Variants in SLC5A3 observed in about 807,000 individuals in gnomAD.
SLC5A3 encodes the protein sodium/myo-inositol cotransporter.
In SLC5A3, 10 loss-of-function variants were observed where a neutral mutation model predicts 43.2. The observed-to-expected ratio is 0.23, with a 90% CI of 0.14 to 0.39. The LOEUF (loss-of-function observed/expected upper bound fraction) is 0.39. Among genes scored for constraint, SLC5A3 ranks in the 10% least tolerant of loss-of-function variants. The pLI is 1.00. For missense variants in SLC5A3, 608 were observed against 893.4 expected, an observed-to-expected ratio of 0.68 and a Z score of 4.07; for synonymous variants, 349 against 322.0, an observed-to-expected ratio of 1.08 and a Z score of -0.90.
rs752139372 is a variant in SLC5A3 at position 34,097,302 on chromosome 21, C to T, written c.2104C>T (p.Leu702Phe). The T allele has an allele frequency of 1.2e-6, 2 of 1,611,216 alleles. No homozygotes were observed. The highest frequency in any genetic ancestry group is 1.7e-6 in the Non-Finnish European group (2 of 1,179,096). ...RQVKVILNIG[L>F]FAVCSLGIFM... Reference sequence around the variant, plus strand: ...AGTTAAAGTAATACTAAATATTGGACTTTTTGCTGTGTGTTCACTTGGAAT... The same window carrying T: ...AGTTAAAGTAATACTAAATATTGGATTTTTTGCTGTGTGTTCACTTGGAAT... Residue 702 changes from leucine to phenylalanine, a missense_variant, in exon 2 of 2, where the codon CTT (leucine) becomes TTT (phenylalanine). Coordinates refer to ENST00000381151, the MANE Select transcript of SLC5A3 (RefSeq NM_006933.7).
chr21:34,098,902 T>G lies in SLC5A3; in HGVS notation c.*1547T>G. 1.0e-6 allele frequency: 1 copy of G among 996,754 alleles called. No individual in the cohort carries two copies. Among genetic ancestry groups the G allele is most frequent in the Non-Finnish European group, 1.2e-6 (1 of 826,744 alleles). 61.7% of individuals were successfully genotyped at this position (996,754 alleles called of 1,614,324 possible). The stretch of plus-strand genomic sequence containing the variant: ...ACTTTCTTTGACCTTCTTTAATCTC[T>G]GATACTTTTTAGATTGCATGATTTT... On this transcript the variant is annotated 3_prime_UTR_variant, in exon 2 of 2. Coordinates refer to ENST00000381151, the MANE Select transcript of SLC5A3 (RefSeq NM_006933.7).
rs1233834606 is a variant in SLC5A3 at position 34,104,198 on chromosome 21, T to C, written c.*6843T>C. ...GATCTGAGTGTTCTGAGCATCAGAC[T>C]AATTCTGAAGCATATTTGCTAGAGG... On this transcript the variant is annotated 3_prime_UTR_variant, in exon 2 of 2. Coordinates refer to ENST00000381151, the MANE Select transcript of SLC5A3 (RefSeq NM_006933.7). 1.0e-6 allele frequency: 1 copy of C among 1,000,036 alleles called. No individual in the cohort carries two copies. The highest frequency in any genetic ancestry group is 1.2e-6 in the Non-Finnish European group (1 of 829,926). 61.9% of individuals were successfully genotyped at this position (1,000,036 alleles called of 1,614,324 possible). A position where few individuals can be genotyped will look rare whatever the true frequency, so the allele number is the denominator to read the frequency against.
At chr21:34,086,657 G>C (rs1372410143) in intron 1 of SLC5A3, among the ~76,000 whole-genome samples, 1 of 152,102 alleles carries the variant, frequency 6.6e-6, no homozygotes, top group African/African-American at 2.4e-5. Flanking sequence ...TTTCTCATTT[G>C]TAAATTGGGG....
Position 34,097,593 on chromosome 21 carries a change from T to C in SLC5A3, c.*238T>C. The C allele has an allele frequency of 3.2e-6, 4 of 1,252,674 alleles. No homozygotes were observed. Among genetic ancestry groups the C allele is most frequent in the Non-Finnish European group, 2.0e-6 (2 of 989,110 alleles). The allele number at this position is 1,252,674 out of a possible 1,614,324, so 77.6% of individuals were successfully genotyped here. ...GAATTGTGCAAATGTGGTTTTAAATTTTGCATACCAAAGTAAGAAGAGACC... is the reference window on the plus strand; with the variant it reads ...GAATTGTGCAAATGTGGTTTTAAATCTTGCATACCAAAGTAAGAAGAGACC... On this transcript the variant is annotated 3_prime_UTR_variant, in exon 2 of 2. Transcript: ENST00000381151.
At position 34,102,434 on chromosome 21, in the gene SLC5A3, G is replaced by T; in HGVS notation, c.*5079G>T. 1.0e-6 allele frequency: 1 copy of T among 999,788 alleles called. No individual in the cohort carries two copies. The highest frequency in any genetic ancestry group is 1.1e-4 in the East Asian group (1 of 8,820). The allele number at this position is 999,788 out of a possible 1,614,324, so 61.9% of individuals were successfully genotyped here. On this transcript the variant is annotated 3_prime_UTR_variant, in exon 2 of 2. Coordinates refer to ENST00000381151, the MANE Select transcript of SLC5A3 (RefSeq NM_006933.7). The stretch of plus-strand genomic sequence containing the variant: ...AAGAGGGATTAGTTTTTTTGTTTTG[G>T]GGTAAGCACCTAATTTATCCAGTAA...
At position 34,105,555 on chromosome 21, in the gene SLC5A3, A is replaced by T. The variant is rs1191556688; in HGVS notation, c.*8200A>T. On this transcript the variant is annotated 3_prime_UTR_variant, in exon 2 of 2. Transcript: ENST00000381151. The stretch of plus-strand genomic sequence containing the variant: ...TGTTCTTCCCAGTGTCCTGCTTATG[A>T]TGCTTTGTTCAGATTTTTTGTAAGA... 2 of 999,688 alleles carry T rather than the reference A, an allele frequency of 2.0e-6. No individual in the cohort carries two copies. The highest frequency in any genetic ancestry group is 3.5e-5 in the African/African-American group (2 of 57,180). The allele number at this position is 999,688 out of a possible 1,614,324, so 61.9% of individuals were successfully genotyped here.
chr21:34,095,327 G>C lies in SLC5A3; in HGVS notation c.129G>C (p.Gly43=), dbSNP rs927845616. 6.2e-7 allele frequency: 1 copy of C among 1,614,110 alleles called. No individual in the cohort carries two copies. The highest frequency in any genetic ancestry group is 1.3e-5 in the African/African-American group (1 of 75,042). ...CCGTGAGTGGATACTTCCTGGCGGG[G>C]CGCTCTATGACCTGGGTAGCAATTG... The part of the protein sequence containing the change: ...RSTVSGYFLA[G]RSMTWVAIGA... The change falls in exon 2 of 2, where the codon GGG becomes GGC. Residue 43 remains glycine (G), a synonymous_variant. Transcript: ENST00000381151.
chr21:34,082,373 CTG>C (rs1002171452), intron 1 of SLC5A3, among the ~76,000 whole-genome samples: 23 of 152,178 alleles, frequency 1.5e-4, no homozygotes, highest in African/African-American at 5.1e-4. Flanking sequence ...ACCGTGTAAA[CTG>C]TGAGGGAGTG....
At chr21:34,094,333 C>T (rs1978861669) in intron 1 of SLC5A3, among the ~76,000 whole-genome samples, 1 of 151,984 alleles carries the variant, frequency 6.6e-6, no homozygotes, top group African/African-American at 2.4e-5. Flanking sequence ...CTAGGCAGTA[C>T]TTGGTTTTCT....
intron 1 of SLC5A3, among the ~76,000 whole-genome samples, chr21:34,092,130 A>ATG (rs35664828): frequency 6.6e-6 from 1 of 151,436 alleles, no homozygotes; most frequent in African/African-American, 2.4e-5. Context: ...AAAAACATAT[A>ATG]TATATATATA....
At position 34,101,076 on chromosome 21, in the gene SLC5A3, C is replaced by G; in HGVS notation, c.*3721C>G. On this transcript the variant is annotated 3_prime_UTR_variant, in exon 2 of 2. Transcript: ENST00000381151. ...TAGAGAGATGTATACAAGACCTTTC[C>G]TGTTAAATTACGTGACTACAGAGAC... is the stretch of plus-strand genomic sequence containing the variant. The G allele has an allele frequency of 1.0e-6, 1 of 1,000,088 alleles. No individual in the cohort carries two copies. The highest frequency in any genetic ancestry group is 1.2e-6 in the Non-Finnish European group (1 of 829,936). 62.0% of individuals were successfully genotyped at this position (1,000,088 alleles called of 1,614,324 possible). A position where few individuals can be genotyped will look rare whatever the true frequency, so the allele number is the denominator to read the frequency against.
In SLC5A3 at chr21:34,102,466, A is replaced by G; in HGVS notation, c.*5111A>G. 1 of 1,000,128 alleles carries G rather than the reference A, an allele frequency of 1.0e-6. No individual in the cohort carries two copies. 62.0% of individuals were successfully genotyped at this position (1,000,128 alleles called of 1,614,324 possible). ...CACCTAATTTATCCAGTAACCAACA[A>G]CCCTAACCATTGGCATATATAGTCT... On this transcript the variant is annotated 3_prime_UTR_variant, in exon 2 of 2. Coordinates refer to ENST00000381151, the MANE Select transcript of SLC5A3 (RefSeq NM_006933.7).
At chr21:34,081,193 T>C (rs1346403407) in intron 1 of SLC5A3, among the ~76,000 whole-genome samples, 5 of 152,110 alleles carry the variant, frequency 3.3e-5, no homozygotes, top group Non-Finnish European at 5.9e-5. Context: ...CTTTCCACTT[T>C]AATGAAGCTG....
rs1319315307 is a variant in SLC5A3, at chr21:34,098,966, T to A, written c.*1611T>A. On this transcript the variant is annotated 3_prime_UTR_variant, in exon 2 of 2. Transcript: ENST00000381151. ...TTAGGGAAATTACTTTCATAAATAC[T>A]TTTGTAGATTTTGAATCAAAACTCA... 2 of 985,260 alleles carry A rather than the reference T, an allele frequency of 2.0e-6. No individual in the cohort carries two copies. The highest frequency in any genetic ancestry group is 1.2e-4 in the Admixed American group (2 of 16,238). 61.0% of individuals were successfully genotyped at this position (985,260 alleles called of 1,614,324 possible).
chr21:34,075,553 G>C lies in SLC5A3; in HGVS notation c.-337+1808G>C, dbSNP rs566048530. ...CATGAGGGAAGGGGGGCAAAAAAAA[G>C]AAAAAAAGCCCTAGAAAGTAGATAA... On this transcript the variant is annotated intron_variant, in intron 1 of 1. Transcript: ENST00000381151. 4.6e-5 allele frequency among the ~76,000 whole-genome samples: 7 copies of C among 152,020 alleles called. 1 individual carries two copies. In the South Asian group the frequency reaches 1.5e-3, roughly 32 times the overall value.
Position 34,100,541 on chromosome 21 carries a change from A to C in SLC5A3, c.*3186A>C, listed in dbSNP as rs945972402. 7.0e-6 allele frequency: 7 copies of C among 1,000,116 alleles called. No individual in the cohort carries two copies. In the African/African-American group the frequency reaches 1.0e-4, roughly 15 times the overall value. 62.0% of individuals were successfully genotyped at this position (1,000,116 alleles called of 1,614,324 possible). A position where few individuals can be genotyped will look rare whatever the true frequency, so the allele number is the denominator to read the frequency against. Reference sequence around the variant, plus strand: ...AGGGCTTCCTTTTCACTTGGCTCAAAGGATCCATTGTATTTTGGCACAAAG... The same window carrying C: ...AGGGCTTCCTTTTCACTTGGCTCAACGGATCCATTGTATTTTGGCACAAAG... On this transcript the variant is annotated 3_prime_UTR_variant, in exon 2 of 2. Coordinates refer to ENST00000381151, the MANE Select transcript of SLC5A3 (RefSeq NM_006933.7).
Position 34,103,365 on chromosome 21 carries a change from T to G in SLC5A3, c.*6010T>G. 1 of 997,450 alleles carries G rather than the reference T, an allele frequency of 1.0e-6. No homozygotes were observed. Among genetic ancestry groups the G allele is most frequent in the Non-Finnish European group, 1.2e-6 (1 of 827,752 alleles). 61.8% of individuals were successfully genotyped at this position (997,450 alleles called of 1,614,324 possible). On this transcript the variant is annotated 3_prime_UTR_variant, in exon 2 of 2. Transcript: ENST00000381151. ...ACATTGACATACTTTATGTGCAGCC[T>G]TTATTTAGGTTCAGTGAAACCAGGT... is the stretch of plus-strand genomic sequence containing the variant.
Position 34,096,587 on chromosome 21 carries a change from G to A in SLC5A3, c.1389G>A (p.Lys463=), listed in dbSNP as rs372550004. ...TGTTCCTGCTGGCAATTTTCTGGAA[G>A]CGCTGCAATGAACAAGGGGCTTTCT... ...AALFLLAIFW[K]RCNEQGAFYG... Residue 463 remains lysine, a synonymous_variant, in exon 2 of 2, where the codon AAG becomes AAA. Transcript: ENST00000381151. The surrounding 1 kb of genome is among the most constrained non-coding windows in gnomAD (Gnocchi z 5.9). 1.7e-5 allele frequency: 27 copies of A among 1,613,978 alleles called. No homozygotes were observed. The African/African-American group carries it at 2.8e-4, about 17-fold the overall frequency.
chr21:34,078,503 TCA>T (rs1002177547), intron 1 of SLC5A3, among the ~76,000 whole-genome samples: 15 of 152,284 alleles, frequency 9.9e-5, no homozygotes, highest in African/African-American at 3.1e-4. Flanking sequence ...AATTCATGAC[TCA>T]CACATTCAAT....
Sources: gnomAD v4.1 joint callset for allele counts (sites outside exome capture counted in the v4.1 genomes callset) on GRCh38, gnomAD v4.1.1 for gene constraint, Gnocchi (gnomAD v3.1) non-coding constraint, MANE v1.5 for transcripts, NCBI Gene and HGNC (gene_info 2026-07-23, HGNC 2026-07-21) for gene names.